ZFP28: variants seen among roughly 807,000 people sequenced by gnomAD.
ZFP28 encodes ZFP28 zinc finger protein.
ZFP28 carries 31 observed loss-of-function variants against 39.5 expected under a neutral mutation model. That is an observed-to-expected ratio of 0.79 (90% CI 0.59 to 1.06). The LOEUF (loss-of-function observed/expected upper bound fraction) is 1.06, where lower values mean the gene tolerates loss of function less well. Among genes scored for constraint, ZFP28 ranks in the 50% least tolerant of loss-of-function variants. The pLI, the probability that ZFP28 is intolerant of heterozygous loss-of-function variation, is 0.00. For synonymous variants in ZFP28, 400 were observed against 378.6 expected (o/e 1.06, Z -0.66); for missense variants, 925 against 1,048.4 (o/e 0.88, Z 1.63).
intron 2 of ZFP28, among the ~76,000 whole-genome samples, chr19:56,541,129 G>A (rs1394438987): frequency 6.6e-6 from 1 of 152,116 alleles, no homozygotes; most frequent in East Asian, 1.9e-4. Context: ...CTGAGTGTCT[G>A]ATGGGTAACT....
chr19:56,550,488 T>C, intron 6 of ZFP28, 22 bp from the exon 7 acceptor site: 2 of 1,607,396 alleles, frequency 1.2e-6, no homozygotes, highest in Non-Finnish European at 1.7e-6. Context: ...TGGCCAAACC[T>C]CATCTCTTTT....
chr19:56,554,928 T>A lies in ZFP28; in HGVS notation c.2143T>A (p.Ser715Thr), dbSNP rs775016283. ...TGGGAAGGCCTTTGGTGATAACTCA[T>A]CCTGTACTCAACATCAAAGACTGCA... Reference protein sequence around the residue: ...ECGKAFGDNSSCTQHQRLHTG... With the variant: ...ECGKAFGDNSTCTQHQRLHTG... Residue 715 changes from serine to threonine, a missense_variant, in exon 8 of 8, where the codon TCC becomes ACC. Around this residue, in one of 2 missense-constraint regions of ZFP28, gnomAD observed 369 missense variants for 505.5 expected, o/e 0.73. Transcript: ENST00000301318. This position sits in a 1 kb window ranked among gnomAD's most constrained non-coding sequence, Gnocchi z 6.7. 6 of 1,614,144 alleles carry A rather than the reference T, an allele frequency of 3.7e-6. 1 individual carries two copies. The South Asian group carries it at 6.6e-5, about 18-fold the overall frequency.
chr19:56,541,534 G>A (rs994980173), intron 2 of ZFP28, among the ~76,000 whole-genome samples: 1 of 152,020 alleles, frequency 6.6e-6, no homozygotes, highest in South Asian at 2.1e-4. Flanking sequence ...ACCCTCCAGT[G>A]GTTTCTCTGA....
At chr19:56,538,890 C>T, upstream of ZFP28, 1 of 748,650 alleles carries the variant, frequency 1.3e-6, no homozygotes. Context: ...CTCCGCGGCG[C>T]GGCCCAGTGG....
Position 56,549,100 on chromosome 19 carries a change from T to C in ZFP28, c.666T>C (p.Asp222=). The C allele has an allele frequency of 1.2e-6, 2 of 1,611,600 alleles. No individual in the cohort carries two copies. The highest frequency in any genetic ancestry group is 1.3e-5 in the African/African-American group (1 of 74,968). The change falls in exon 5 of 8, where the codon GAT becomes GAC. Residue 222 remains aspartate, a synonymous_variant. Transcript: ENST00000301318. ...TGTTAGGGGAACACTGGGATTATGA[T>C]GCTCTGTTTGAGACACAGCCGGTAA... ...YSLLGEHWDY[D]ALFETQPGLV...
In ZFP28 at chr19:56,555,539, C is replaced by T. The variant is rs35189154; in HGVS notation, c.*147C>T. The stretch of plus-strand genomic sequence containing the variant: ...ACTCCTCTTGTAAAACTTATAGTTT[C>T]TTTAAATTGGTTAATGTGTGAGATG... On this transcript the variant is annotated 3_prime_UTR_variant, in exon 8 of 8. Coordinates refer to ENST00000301318, the MANE Select transcript of ZFP28 (RefSeq NM_020828.2). 28,319 of 1,176,456 alleles carry T rather than the reference C, an allele frequency of 0.024. 393 individuals are homozygous for T. The highest frequency in any genetic ancestry group is 0.029 in the Non-Finnish European group (24,365 of 846,154). The allele number at this position is 1,176,456 out of a possible 1,614,324, so 72.9% of individuals were successfully genotyped here. A position where few individuals can be genotyped will look rare whatever the true frequency, so the allele number is the denominator to read the frequency against.
Position 56,550,132 on chromosome 19 carries a change from T to G in ZFP28, c.753T>G (p.Asn251Lys). Residue 251 changes from asparagine to lysine, a missense_variant, in exon 6 of 8, where the codon AAT becomes AAG. Asn to Lys is a moderately conservative substitution (Grantham distance 94, BLOSUM62 0). Transcript: ENST00000301318. ...FRQQLHPAQK[N>K]FCKNGIWENN... ...AGCAGCTACACCCAGCTCAGAAGAA[T>G]TTCTGTAAGAATGGGATATGGGAGA... The G allele has an allele frequency of 6.2e-7, 1 of 1,613,208 alleles. No homozygotes were observed. The highest frequency in any genetic ancestry group is 8.5e-7 in the Non-Finnish European group (1 of 1,179,760).
chr19:56,542,067 G>A (rs2044200402), intron 2 of ZFP28, among the ~76,000 whole-genome samples: 1 of 151,714 alleles, frequency 6.6e-6, no homozygotes, highest in Admixed American at 6.6e-5. Flanking sequence ...GAAATCCCAC[G>A]TATACCAAAA....
intron 5 of ZFP28, 114 bp downstream of exon 5, chr19:56,549,235 A>G (rs2044271647): frequency 2.4e-6 from 3 of 1,258,256 alleles, no homozygotes; most frequent in African/African-American, 1.5e-5. Context: ...TTTGAATACA[A>G]TGCTTCTTAT....
In ZFP28 at chr19:56,541,877, A is replaced by ATTT. The variant is rs11297964; in HGVS notation, c.300+2191_300+2193dup. Among the ~76,000 whole-genome samples, 90 of 61,340 alleles carry ATTT rather than the reference A, an allele frequency of 1.5e-3. 1 individual carries two copies. Among genetic ancestry groups the ATTT allele is most frequent in the Non-Finnish European group, 2.1e-3 (80 of 37,348 alleles). 40.2% of individuals were successfully genotyped at this position (61,340 alleles called of 152,430 possible). ...CCCGAGTAGCCACCACACCTGGCTA[A>ATTT]TTTTTTTTTTTTTTTTTTTTTTTTT... On this transcript the variant is annotated intron_variant, in intron 2 of 7. Coordinates refer to ENST00000301318, the MANE Select transcript of ZFP28 (RefSeq NM_020828.2).
chr19:56,550,911 T>C (rs907063874), intron 7 of ZFP28: 2 of 1,428,338 alleles, frequency 1.4e-6, no homozygotes, highest in African/African-American at 2.9e-5. Flanking sequence ...TCCAAAGGTT[T>C]TCTCTTCTGT....
At chr19:56,550,944 A>G (rs1259907980) in intron 7 of ZFP28, 6 of 1,403,060 alleles carry the variant, frequency 4.3e-6, no homozygotes, top group Non-Finnish European at 5.5e-6. Context: ...TATTGTTTTC[A>G]TCATGCATCC....
At position 56,553,814 on chromosome 19, in the gene ZFP28, T is replaced by C. The variant is rs755071906; in HGVS notation, c.1029T>C (p.Tyr343=). The C allele has an allele frequency of 1.9e-6, 3 of 1,614,140 alleles. No homozygotes were observed. The Admixed American group carries it at 5.0e-5, about 27-fold the overall frequency. Reference sequence around the variant, plus strand: ...TCAGAGAAAATTGGGATTCTGACTATGTGTTTGGAAGGAAGCTTGCAGTAG... The same window carrying C: ...TCAGAGAAAATTGGGATTCTGACTACGTGTTTGGAAGGAAGCTTGCAGTAG... ...SSFRENWDSD[Y]VFGRKLAVGQ... The change falls in exon 8 of 8, where the codon TAT becomes TAC. Residue 343 remains tyrosine (Y), a synonymous_variant. Transcript: ENST00000301318.
At chr19:56,541,770 C>T (rs2044197111) in intron 2 of ZFP28, among the ~76,000 whole-genome samples, 1 of 151,916 alleles carries the variant, frequency 6.6e-6, no homozygotes, top group Non-Finnish European at 1.5e-5. Context: ...TGCTCTGTCA[C>T]TCAGGCTGGA....
chr19:56,539,081 C>T lies in ZFP28; in HGVS notation c.63C>T (p.Pro21=). 27 of 1,533,124 alleles carry T rather than the reference C, an allele frequency of 1.8e-5. No individual in the cohort carries two copies. Among genetic ancestry groups the T allele is most frequent in the Non-Finnish European group, 2.3e-5 (26 of 1,145,214 alleles). The allele number at this position is 1,533,124 out of a possible 1,614,324, so 95.0% of individuals were successfully genotyped here. A position where few individuals can be genotyped will look rare whatever the true frequency, so the allele number is the denominator to read the frequency against. ...EPTPLPGRGA[P]RTKPRAGRGP... ...CGCCGCTCCCGGGTAGAGGCGCCCC[C>T]CGCACAAAGCCCCGGGCGGGCCGAG... is the stretch of plus-strand genomic sequence containing the variant. The change falls in exon 1 of 8, where the codon CCC becomes CCT. Residue 21 remains proline, a synonymous_variant. Coordinates refer to ENST00000301318, the MANE Select transcript of ZFP28 (RefSeq NM_020828.2).
In ZFP28 at chr19:56,539,244, T is replaced by C; in HGVS notation, c.208+18T>C. ...GCACAGAGGTGAGAGTGACAGGTGT[T>C]TGGGGCCGAGCGGACAGGGACGAAT... On this transcript the variant is annotated intron_variant, in intron 1 of 7. Transcript: ENST00000301318. 6.3e-7 allele frequency: 1 copy of C among 1,581,532 alleles called. No homozygotes were observed. Among genetic ancestry groups the C allele is most frequent in the Non-Finnish European group, 8.6e-7 (1 of 1,169,352 alleles).
rs373030850 is a variant in ZFP28 at position 56,553,645 on chromosome 19, C to T, written c.899-39C>T. 26 of 1,523,764 alleles carry T rather than the reference C, an allele frequency of 1.7e-5. No homozygotes were observed. In the African/African-American group the frequency reaches 2.1e-4, roughly 12 times the overall value. The allele number at this position is 1,523,764 out of a possible 1,614,324, so 94.4% of individuals were successfully genotyped here. ...TTTGGCAGATTCCTTTTTCCTAGCACACGAAAAAGGAAATATGTGTTTTCT... is the reference window on the plus strand; with the variant it reads ...TTTGGCAGATTCCTTTTTCCTAGCATACGAAAAAGGAAATATGTGTTTTCT... On this transcript the variant is annotated intron_variant, in intron 7 of 7. Transcript: ENST00000301318.
chr19:56,551,433 C>T (rs923637384), intron 7 of ZFP28: 5 of 985,462 alleles, frequency 5.1e-6, no homozygotes, highest in South Asian at 9.4e-5. Flanking sequence ...TATTCAGTTA[C>T]GCATACACGT....
chr19:56,545,989 G>C (rs2044238208), intron 2 of ZFP28: 1 of 152,244 alleles, frequency 6.6e-6, no homozygotes, highest in Non-Finnish European at 1.5e-5. Context: ...ATGGATGAGA[G>C]TTATGACAGT....
Sources: gnomAD v4.1 joint callset for allele counts (sites outside exome capture counted in the v4.1 genomes callset) on GRCh38, gnomAD v4.1.1 for gene constraint, gnomAD v4.1.1 regional missense constraint, Gnocchi (gnomAD v3.1) non-coding constraint, MANE v1.5 for transcripts, NCBI Gene and HGNC (gene_info 2026-07-23, HGNC 2026-07-21) for gene names.